NAALAD2: variants seen among roughly 807,000 people sequenced by gnomAD.
NAALAD2 encodes the protein N-acetylated alpha-linked acidic dipeptidase 2.
A neutral mutation model predicts 95.6 loss-of-function variants in NAALAD2; 89 were observed. That is an observed-to-expected ratio of 0.93 (90% confidence interval 0.78 to 1.11). The LOEUF (loss-of-function observed/expected upper bound fraction) is 1.11, where lower values mean the gene tolerates loss of function less well. Ranked by LOEUF, NAALAD2 falls within the 50% of genes least tolerant of loss-of-function variation. The pLI, the probability that NAALAD2 is intolerant of heterozygous loss-of-function variation, is 0.00. For missense variants in NAALAD2, 894 were observed against 872.4 expected, an observed-to-expected ratio of 1.02 and a Z score of -0.31; for synonymous variants, 264 against 294.4, an observed-to-expected ratio of 0.90 and a Z score of 1.06.
upstream of NAALAD2, chr11:90,134,498 G>A (rs569047800): frequency 1.2e-5 from 6 of 490,458 alleles, no homozygotes; most frequent in Non-Finnish European, 1.8e-5. Flanking sequence ...CACCTACTAT[G>A]TCCGGGTTAC....
Position 90,134,695 on chromosome 11 carries a change from G to C in NAALAD2, c.-64G>C. The C allele has an allele frequency of 1.3e-6, 2 of 1,547,498 alleles. No individual in the cohort carries two copies. Among genetic ancestry groups the C allele is most frequent in the Non-Finnish European group, 1.8e-6 (2 of 1,121,946 alleles). ...ACAGCCTCCTGCCAGCGCGCTCTCT[G>C]TTTCTCTGCAGCCCCGAAGCTCGCG... On this transcript the variant is annotated 5_prime_UTR_variant, in exon 1 of 19. Transcript: ENST00000534061.
intron 18 of NAALAD2, among the ~76,000 whole-genome samples, chr11:90,185,216 C>A (rs1036161923): frequency 6.6e-6 from 1 of 151,452 alleles, no homozygotes; most frequent in Non-Finnish European, 1.5e-5. Flanking sequence ...TGTACACACA[C>A]AATATATAAA....
chr11:90,184,985 T>G (rs1270428223), intron 18 of NAALAD2, among the ~76,000 whole-genome samples: 1 of 152,144 alleles, frequency 6.6e-6, no homozygotes, highest in African/African-American at 2.4e-5. Flanking sequence ...GTAAGCAATC[T>G]AGAGCTGATT....
At chr11:90,150,438 TC>T (rs761399980) in intron 4 of NAALAD2, 43 bp from the exon 5 acceptor site, 27 of 1,295,262 alleles carry the variant, frequency 2.1e-5, no homozygotes, top group South Asian at 6.6e-5. Context: ...TTTTTTTTTT[TC>T]TTTAATTTTA....
At chr11:90,131,977 G>A (rs1017182677), upstream of NAALAD2, 2 of 152,202 alleles carry the variant, frequency 1.3e-5, no homozygotes, top group African/African-American at 4.8e-5. Context: ...GTGTTGCTTT[G>A]TTAAGTGTGC....
At chr11:90,147,302 G>A (rs773443589) in intron 2 of NAALAD2, 28 bp from the exon 3 acceptor site, 300 of 1,566,346 alleles carry the variant, frequency 1.9e-4, no homozygotes, top group Non-Finnish European at 2.4e-4. Flanking sequence ...AGTCTTTAAT[G>A]CCCTCTTATG....
chr11:90,140,277 G>A (rs892442407), intron 2 of NAALAD2, among the ~76,000 whole-genome samples: 1 of 151,942 alleles, frequency 6.6e-6, no homozygotes, highest in Non-Finnish European at 1.5e-5. Flanking sequence ...ATTTTATATT[G>A]TATCTTTATG....
At chr11:90,156,053 C>T (rs548504662) in intron 6 of NAALAD2, among the ~76,000 whole-genome samples, 1 of 151,248 alleles carries the variant, frequency 6.6e-6, no homozygotes, top group Non-Finnish European at 1.5e-5. Flanking sequence ...TTGTACTATT[C>T]TTCTGTCTGC....
intron 17 of NAALAD2, 41 bp downstream of exon 17, chr11:90,181,742 A>G: frequency 8.5e-7 from 1 of 1,177,790 alleles, no homozygotes; most frequent in Non-Finnish European, 1.2e-6. Flanking sequence ...AAAAAAAAAA[A>G]GCAATCTGGT....
intron 6 of NAALAD2, among the ~76,000 whole-genome samples, chr11:90,154,782 T>C (rs1951986112): frequency 6.7e-6 from 1 of 149,066 alleles, no homozygotes; most frequent in Non-Finnish European, 1.5e-5. Flanking sequence ...TGTTTTTCAC[T>C]ACAAATTGAA....
chr11:90,159,147 T>C (rs1952210192), intron 7 of NAALAD2, 92 bp from the exon 8 acceptor site: 1 of 950,878 alleles, frequency 1.1e-6, no homozygotes, highest in South Asian at 1.4e-5. Flanking sequence ...ATATTTGTTA[T>C]ATATATGAAT....
At chr11:90,182,268 T>C (rs1952996618) in intron 17 of NAALAD2, among the ~76,000 whole-genome samples, 1 of 152,058 alleles carries the variant, frequency 6.6e-6, no homozygotes, top group Non-Finnish European at 1.5e-5. Context: ...CAAGCATAAA[T>C]TTATCCACAG....
intron 4 of NAALAD2, 64 bp from the exon 5 acceptor site, chr11:90,150,418 T>A (rs987054399): frequency 1.7e-6 from 2 of 1,163,900 alleles, no homozygotes; most frequent in African/African-American, 4.2e-5. Context: ...TGAAGCAAAC[T>A]TATTTTTTGT....
chr11:90,181,596 T>C (rs755182892), intron 16 of NAALAD2, 24 bp from the exon 17 acceptor site: 2 of 1,505,676 alleles, frequency 1.3e-6, no homozygotes, highest in Non-Finnish European at 1.8e-6. Flanking sequence ...TAATTTCTCT[T>C]CTTCTTTTCT....
chr11:90,136,298 A>C (rs7129987), intron 2 of NAALAD2, among the ~76,000 whole-genome samples: 1 of 152,170 alleles, frequency 6.6e-6, no homozygotes, highest in Admixed American at 6.5e-5. Flanking sequence ...AGCTTTAGTG[A>C]AGTATAATTT....
intron 15 of NAALAD2, among the ~76,000 whole-genome samples, 165 bp downstream of exon 15, chr11:90,176,227 A>G (rs926367537): frequency 2.6e-5 from 4 of 152,094 alleles, no homozygotes; most frequent in African/African-American, 9.7e-5. Flanking sequence ...CAAGGAAGCA[A>G]TTTGAGTAAT....
At chr11:90,162,837 A>G (rs1021339547) in intron 8 of NAALAD2, 112 bp from the exon 9 acceptor site, 4 of 601,766 alleles carry the variant, frequency 6.6e-6, no homozygotes, top group African/African-American at 5.8e-5. Flanking sequence ...CCATTATGCT[A>G]TTGCACAGCT....
chr11:90,159,020 C>T (rs1270171150), intron 7 of NAALAD2: 2 of 489,660 alleles, frequency 4.1e-6, no homozygotes, highest in African/African-American at 2.0e-5. Context: ...TCTCTTTGCT[C>T]TCATCACTAA....
Position 90,163,595 on chromosome 11 carries a change from T to C in NAALAD2, c.1256T>C (p.Leu419Pro), listed in dbSNP as rs774557876. 3 of 1,614,122 alleles carry C rather than the reference T, an allele frequency of 1.9e-6. No homozygotes were observed. Among genetic ancestry groups the C allele is most frequent in the Non-Finnish European group, 2.5e-6 (3 of 1,179,978 alleles). Residue 419 changes from leucine (L) to proline (P), a missense_variant, in exon 11 of 19, where the codon CTG (leucine) becomes CCG (proline). Leu to Pro is a moderately conservative substitution (Grantham distance 98, BLOSUM62 -3). Coordinates refer to ENST00000534061, the MANE Select transcript of NAALAD2 (RefSeq NM_005467.4). ...ASWDAEEFGL[L>P]GSTEWAEENV... ...TGGGATGCAGAAGAATTTGGACTTCTGGGTTCCACAGAATGGGCTGAGGTA... is the reference window on the plus strand; with the variant it reads ...TGGGATGCAGAAGAATTTGGACTTCCGGGTTCCACAGAATGGGCTGAGGTA...
Sources: allele counts gnomAD v4.1 joint callset (sites outside exome capture counted in the v4.1 genomes callset), GRCh38; gene constraint gnomAD v4.1.1; transcripts MANE v1.5; gene names NCBI Gene and HGNC (gene_info 2026-07-23, HGNC 2026-07-21).